SRBD1: variants seen among roughly 807,000 people sequenced by gnomAD.
The protein encoded by SRBD1 is S1 RNA-binding domain-containing protein 1.
SRBD1 carries 88 observed loss-of-function variants against 115.3 expected under a neutral mutation model. That is an observed-to-expected ratio of 0.76 (90% CI 0.64 to 0.91). SRBD1 has a LOEUF of 0.91. SRBD1 is among the 40% of genes least tolerant of loss of function. The pLI is 0.00. For missense variants in SRBD1, 1,385 were observed against 1,177.4 expected (o/e 1.18, Z -2.58); for synonymous variants, 509 against 407.7 (o/e 1.25, Z -2.99).
rs1667742417 is a variant in SRBD1, at chr2:45,414,777, C to CACACACACAGTGTATATAGTATGT, written c.2334-1485_2334-1484insACATACTATATACACTGTGTGTGT. ...ACACACAGTGTGTATATAGTATGTA[C>CACACACACAGTGTATATAGTATGT]ACACACACATAGTGTGTATATAGTA... On this transcript the variant is annotated intron_variant, in intron 18 of 20. Coordinates refer to ENST00000263736, the MANE Select transcript of SRBD1 (RefSeq NM_018079.5). 1.4e-4 allele frequency among the ~76,000 whole-genome samples: 11 copies of CACACACACAGTGTATATAGTATGT among 78,736 alleles called. 1 individual carries two copies. Among genetic ancestry groups the CACACACACAGTGTATATAGTATGT allele is most frequent in the Admixed American group, 1.2e-3 (10 of 8,260 alleles). 51.7% of individuals were successfully genotyped at this position (78,736 alleles called of 152,430 possible).
intron 3 of SRBD1, among the ~76,000 whole-genome samples, chr2:45,601,379 A>G (rs868393916): frequency 6.6e-6 from 1 of 152,380 alleles, no homozygotes; most frequent in African/African-American, 2.4e-5. Flanking sequence ...ATATTAAACC[A>G]GCACTCTGGT....
chr2:45,399,443 C>T lies in SRBD1; in HGVS notation c.2514-6314G>A, dbSNP rs192772218. ...AGATAAACAGATACTTTTGAAAGTG[C>T]GCAGTACAGATTATTTCATTTAATT... is the stretch of plus-strand genomic sequence containing the variant. On this transcript the variant is annotated intron_variant, in intron 19 of 20. Coordinates refer to ENST00000263736, the MANE Select transcript of SRBD1 (RefSeq NM_018079.5). Among the ~76,000 whole-genome samples, 679 of 152,012 alleles carry T rather than the reference C, an allele frequency of 4.5e-3. 2 individuals are homozygous for T. Among genetic ancestry groups the T allele is most frequent in the African/African-American group, 8.6e-3 (357 of 41,476 alleles).
intron 16 of SRBD1, among the ~76,000 whole-genome samples, chr2:45,440,482 T>C (rs1005297136): frequency 1.2e-4 from 19 of 152,230 alleles, no homozygotes; most frequent in African/African-American, 4.6e-4. Context: ...AAAGAAAACA[T>C]TAGTATATCT....
chr2:45,578,968 ACAT>A (rs924937041), intron 7 of SRBD1, among the ~76,000 whole-genome samples: 50 of 152,204 alleles, frequency 3.3e-4, no homozygotes, highest in African/African-American at 1.1e-3. Flanking sequence ...GTATATCAAA[ACAT>A]CATGTTGCAC....
At chr2:45,506,361 C>G (rs1670797207) in intron 14 of SRBD1, among the ~76,000 whole-genome samples, 1 of 152,140 alleles carries the variant, frequency 6.6e-6, no homozygotes, top group South Asian at 2.1e-4. Flanking sequence ...AAAGCACAAG[C>G]AGGAGCCAGG....
At chr2:45,600,754 C>G (rs1372248472) in intron 3 of SRBD1, among the ~76,000 whole-genome samples, 3 of 152,210 alleles carry the variant, frequency 2.0e-5, no homozygotes. Flanking sequence ...GACCCTACCC[C>G]TAAGCTGGTC....
chr2:45,459,963 T>A (rs1259874226), intron 16 of SRBD1, among the ~76,000 whole-genome samples: 3 of 152,186 alleles, frequency 2.0e-5, no homozygotes, highest in African/African-American at 7.2e-5. Context: ...ACACCCTGAA[T>A]AACCCAACGG....
intron 14 of SRBD1, among the ~76,000 whole-genome samples, chr2:45,536,935 C>T (rs1456443848): frequency 6.6e-6 from 1 of 152,184 alleles, no homozygotes; most frequent in African/African-American, 2.4e-5. Context: ...CCATAAGAAA[C>T]ACATCACAAC....
At chr2:45,511,646 G>A (rs1184840725) in intron 14 of SRBD1, among the ~76,000 whole-genome samples, 1 of 152,154 alleles carries the variant, frequency 6.6e-6, no homozygotes, top group Non-Finnish European at 1.5e-5. Flanking sequence ...TAACTGTGGC[G>A]AGAAACAATG....
intron 14 of SRBD1, among the ~76,000 whole-genome samples, chr2:45,503,183 G>T (rs867757703): frequency 2.6e-4 from 39 of 151,322 alleles, no homozygotes; most frequent in African/African-American, 9.5e-4. Flanking sequence ...TATCATAACT[G>T]GCATCCTAAA....
intron 14 of SRBD1, among the ~76,000 whole-genome samples, chr2:45,495,747 C>T (rs1251272506): frequency 6.6e-6 from 1 of 152,134 alleles, no homozygotes; most frequent in Non-Finnish European, 1.5e-5. Flanking sequence ...GGAACACTAA[C>T]TGTGGAAGAA....
chr2:45,538,076 G>A (rs538730569), intron 14 of SRBD1, among the ~76,000 whole-genome samples: 5 of 152,192 alleles, frequency 3.3e-5, no homozygotes, highest in Non-Finnish European at 4.4e-5. Flanking sequence ...ACTGAGCAGC[G>A]AAGTAACGCA....
chr2:45,460,544 T>A (rs1202579813), intron 16 of SRBD1, among the ~76,000 whole-genome samples: 2 of 152,112 alleles, frequency 1.3e-5, no homozygotes, highest in African/African-American at 2.4e-5. Context: ...AATTATGGCT[T>A]CTCTATTATC....
intron 16 of SRBD1, among the ~76,000 whole-genome samples, chr2:45,460,397 T>A (rs1005492442): frequency 1.2e-4 from 19 of 152,250 alleles, no homozygotes; most frequent in African/African-American, 4.6e-4. Context: ...GGGTTCTGAA[T>A]GAGGAACTAG....
chr2:45,391,442 G>C (rs1170934307), intron 20 of SRBD1, among the ~76,000 whole-genome samples: 1 of 152,100 alleles, frequency 6.6e-6, no homozygotes, highest in Non-Finnish European at 1.5e-5. Flanking sequence ...ATGGAGAAAA[G>C]AGATGTAACA....
intron 14 of SRBD1, among the ~76,000 whole-genome samples, chr2:45,528,877 T>C (rs1288315760): frequency 1.3e-5 from 2 of 151,866 alleles, no homozygotes; most frequent in Admixed American, 6.6e-5. Context: ...AAAAGGAATC[T>C]AGATAAGCTA....
intron 14 of SRBD1, among the ~76,000 whole-genome samples, chr2:45,488,757 T>C (rs1670199941): frequency 1.3e-5 from 2 of 152,100 alleles, no homozygotes; most frequent in Admixed American, 6.6e-5. Flanking sequence ...TTGAAAAGCA[T>C]ATGGACATAT....
At chr2:45,482,643 CACAA>C (rs371245611) in intron 15 of SRBD1, among the ~76,000 whole-genome samples, 5 of 141,732 alleles carry the variant, frequency 3.5e-5, no homozygotes, top group Non-Finnish European at 6.3e-5. Context: ...CACACACACA[CACAA>C]ACCCATGAAT....
chr2:45,414,326 G>A (rs1667696212), intron 18 of SRBD1, among the ~76,000 whole-genome samples: 1 of 151,976 alleles, frequency 6.6e-6, no homozygotes, highest in Admixed American at 6.5e-5. Flanking sequence ...ATGATGATAT[G>A]AACTACAAGA....
Sources: allele counts gnomAD v4.1 joint callset (sites outside exome capture counted in the v4.1 genomes callset), GRCh38; gene constraint gnomAD v4.1.1; transcripts MANE v1.5; gene names NCBI Gene and HGNC (gene_info 2026-07-23, HGNC 2026-07-21).